Variants in MOSPD3 observed in about 807,000 individuals in gnomAD.
MOSPD3 encodes the protein motile sperm domain containing 3, also known as motile sperm domain-containing protein 3.
A neutral mutation model predicts 23.3 loss-of-function variants in MOSPD3; 20 were observed. The observed-to-expected ratio is 0.86, with a 90% CI of 0.61 to 1.25. The LOEUF (loss-of-function observed/expected upper bound fraction) is 1.25. MOSPD3 is among the 50% of genes most tolerant of loss of function. The pLI, the probability that MOSPD3 is intolerant of heterozygous loss-of-function variation, is 0.00. For missense variants in MOSPD3, 307 were observed against 315.7 expected (o/e 0.97, Z 0.21); for synonymous variants, 136 against 135.2 (o/e 1.01, Z -0.04).
intron 1 of MOSPD3, 82 bp downstream of exon 1, chr7:100,613,078 T>G: frequency 6.3e-7 from 1 of 1,585,520 alleles, no homozygotes; most frequent in Non-Finnish European, 8.7e-7. Flanking sequence ...TGGGTAGGGT[T>G]GCACGTCCAG....
In MOSPD3 at chr7:100,615,024, C is replaced by T. The variant is rs147915432; in HGVS notation, c.669C>T (p.Tyr223=). 3,472 of 1,614,170 alleles carry T rather than the reference C, an allele frequency of 2.2e-3. 5 individuals are homozygous for T. Among genetic ancestry groups the T allele is most frequent in the Non-Finnish European group, 2.5e-3 (2,929 of 1,180,008 alleles). ...VSLGQKLVAA[Y]VLGLLTMVFL... ...TGGGACAAAAGTTGGTGGCCGCCTA[C>T]GTCTTGGGTGAGGACAGTAGTGGCC... Residue 223 remains tyrosine, a synonymous_variant, in exon 4 of 5, where the codon TAC becomes TAT. Transcript: ENST00000393950.
chr7:100,614,868 C>A lies in MOSPD3; in HGVS notation c.513C>A (p.His171Gln). The stretch of plus-strand genomic sequence containing the variant: ...CATCTGATGAGTCTTGTTTCTCAGA[C>A]CCCCGCCAGCAACTGGCCACCAGCT... The part of the protein sequence containing the change: ...PPPTARHFQE[H>Q]PRQQLATSSF... The change falls in exon 4 of 5, where the codon CAC (histidine) becomes CAA (glutamine). Residue 171 changes from histidine to glutamine, a missense_variant and splice_region_variant. Physicochemically the swap from His to Gln is conservative, Grantham distance 24 (BLOSUM62 0). Coordinates refer to ENST00000393950, the MANE Select transcript of MOSPD3 (RefSeq NM_023948.5). The A allele has an allele frequency of 1.9e-6, 3 of 1,613,514 alleles. No individual in the cohort carries two copies. The highest frequency in any genetic ancestry group is 2.2e-5 in the East Asian group (1 of 44,874).
At position 100,613,489 on chromosome 7, in the gene MOSPD3, T is replaced by C; in HGVS notation, c.294T>C (p.His98=). ...ACCTTGGGACCAGTGTGATTCGCCA[T>C]GTGGCACCCATTCCCAGCCACTATG... is the stretch of plus-strand genomic sequence containing the variant. ...PQSCIDIVIR[H]VAPIPSHYDV... Residue 98 remains histidine, a synonymous_variant, in exon 3 of 5, where the codon CAT becomes CAC. Coordinates refer to ENST00000393950, the MANE Select transcript of MOSPD3 (RefSeq NM_023948.5). 1 of 1,614,160 alleles carries C rather than the reference T, an allele frequency of 6.2e-7. No individual in the cohort carries two copies. The highest frequency in any genetic ancestry group is 8.5e-7 in the Non-Finnish European group (1 of 1,179,994).
chr7:100,613,402 C>CT (rs1802892236), intron 2 of MOSPD3, 75 bp from the exon 3 acceptor site: 8 of 1,569,766 alleles, frequency 5.1e-6, no homozygotes, highest in African/African-American at 1.4e-5. Flanking sequence ...GGAGAGACTT[C>CT]TGGGGGGAGG....
intron 3 of MOSPD3, among the ~76,000 whole-genome samples, chr7:100,614,173 A>C (rs1424398076): frequency 6.6e-6 from 1 of 152,154 alleles, no homozygotes; most frequent in Admixed American, 6.5e-5. Flanking sequence ...GAGGGCAGTA[A>C]AAAGTAGATA....
chr7:100,612,743 C>T lies in MOSPD3; in HGVS notation c.-49C>T, dbSNP rs951020742. Reference sequence around the variant, plus strand: ...CACGCCCCCCAGCTCTGACTCCAGGCCCTGTCCCCTGAGCTCTGCCCTCGG... The same window carrying T: ...CACGCCCCCCAGCTCTGACTCCAGGTCCTGTCCCCTGAGCTCTGCCCTCGG... On this transcript the variant is annotated 5_prime_UTR_variant, in exon 1 of 5. Coordinates refer to ENST00000393950, the MANE Select transcript of MOSPD3 (RefSeq NM_023948.5). 5 of 1,447,570 alleles carry T rather than the reference C, an allele frequency of 3.5e-6. No individual in the cohort carries two copies. The highest frequency in any genetic ancestry group is 1.4e-5 in the African/African-American group (1 of 70,042). 89.7% of individuals were successfully genotyped at this position (1,447,570 alleles called of 1,614,324 possible).
chr7:100,614,902 C>G lies in MOSPD3; in HGVS notation c.547C>G (p.Leu183Val), dbSNP rs755106465. 1.2e-6 allele frequency: 2 copies of G among 1,614,080 alleles called. No homozygotes were observed. The highest frequency in any genetic ancestry group is 1.7e-6 in the Non-Finnish European group (2 of 1,180,032). The change falls in exon 4 of 5, where the codon CTC becomes GTC. Residue 183 changes from leucine (L) to valine (V), a missense_variant. Physicochemically the swap from Leu to Val is conservative, Grantham distance 32. Coordinates refer to ENST00000393950, the MANE Select transcript of MOSPD3 (RefSeq NM_023948.5). ...RQQLATSSFL[L>V]FLLTGIVSVA... ...GCAACTGGCCACCAGCTCCTTCCTC[C>G]TCTTCTTGCTGACGGGGATTGTGTC...
In MOSPD3 at chr7:100,612,959, C is replaced by G; in HGVS notation, c.168C>G (p.Thr56=). 6.2e-7 allele frequency: 1 copy of G among 1,613,998 alleles called. No individual in the cohort carries two copies. Reference sequence around the variant, plus strand: ...GGAGCGGACCCCGACAGCTGCTGACCCTCTATAACCCCACAGGAACTGCGC... The same window carrying G: ...GGAGCGGACCCCGACAGCTGCTGACGCTCTATAACCCCACAGGAACTGCGC... The part of the protein sequence containing the change: ...DQRSGPRQLL[T]LYNPTGTALR... The change falls in exon 1 of 5, where the codon ACC becomes ACG. Residue 56 remains threonine (T), a synonymous_variant. Transcript: ENST00000393950.
rs201335881 is a variant in MOSPD3, at chr7:100,615,141, C to A, written c.677-11C>A. Reference sequence around the variant, plus strand: ...CCATGCGACCCTATTCTTTCTTTGTCCCCCCTCCAGGCCTCCTCACCATGG... The same window carrying A: ...CCATGCGACCCTATTCTTTCTTTGTACCCCCTCCAGGCCTCCTCACCATGG... On this transcript the variant is annotated splice_polypyrimidine_tract_variant and intron_variant, in intron 4 of 4. Coordinates refer to ENST00000393950, the MANE Select transcript of MOSPD3 (RefSeq NM_023948.5). 270 of 1,613,898 alleles carry A rather than the reference C, an allele frequency of 1.7e-4. 1 individual carries two copies. The Admixed American group carries it at 3.3e-3, about 20-fold the overall frequency.
At chr7:100,614,250 G>A (rs780446857) in intron 3 of MOSPD3, among the ~76,000 whole-genome samples, 2 of 150,742 alleles carry the variant, frequency 1.3e-5, no homozygotes, top group African/African-American at 2.5e-5. Flanking sequence ...GATAACCTGA[G>A]GCCAGGAGTT....
intron 3 of MOSPD3, 29 bp downstream of exon 3, chr7:100,613,735 C>T (rs1253459279): frequency 6.3e-7 from 1 of 1,580,326 alleles, no homozygotes; most frequent in South Asian, 1.1e-5. Context: ...ATCTTGAGTT[C>T]TGTAGGGAGG....
At chr7:100,613,062 G>A in intron 1 of MOSPD3, 66 bp downstream of exon 1, 2 of 1,595,214 alleles carry the variant, frequency 1.3e-6, no homozygotes, top group South Asian at 2.2e-5. Context: ...GGCTGGAGGA[G>A]TCAGATGGGT....
chr7:100,614,177 G>C (rs1478725542), intron 3 of MOSPD3, among the ~76,000 whole-genome samples: 1 of 152,162 alleles, frequency 6.6e-6, no homozygotes, highest in Non-Finnish European at 1.5e-5. Flanking sequence ...GCAGTAAAAA[G>C]TAGATACAGG....
intron 3 of MOSPD3, among the ~76,000 whole-genome samples, chr7:100,614,624 A>C (rs919247423): frequency 2.6e-5 from 4 of 152,176 alleles, no homozygotes; most frequent in Non-Finnish European, 5.9e-5. Flanking sequence ...CAACTTAAAA[A>C]TTAGCCGGGC....
chr7:100,613,864 G>C, intron 3 of MOSPD3, 158 bp downstream of exon 3: 3 of 694,396 alleles, frequency 4.3e-6, no homozygotes, highest in Non-Finnish European at 7.1e-6. Flanking sequence ...CAGGTGAGGG[G>C]GAAAAGACTT....
intron 1 of MOSPD3, 83 bp downstream of exon 1, chr7:100,613,079 G>A: frequency 6.3e-7 from 1 of 1,582,948 alleles, no homozygotes; most frequent in Non-Finnish European, 8.7e-7. Context: ...GGGTAGGGTT[G>A]CACGTCCAGC....
Position 100,615,345 on chromosome 7 carries a change from C to A in MOSPD3, c.*162C>A. ...CACCCAGGGATTTGTACTCATTTTC[C>A]AAGTTGAATAAAATACATTTTTAAA... On this transcript the variant is annotated 3_prime_UTR_variant, in exon 5 of 5. Transcript: ENST00000393950. 1.6e-6 allele frequency: 1 copy of A among 607,546 alleles called. No individual in the cohort carries two copies. The highest frequency in any genetic ancestry group is 2.8e-6 in the Non-Finnish European group (1 of 354,098). 37.6% of individuals were successfully genotyped at this position (607,546 alleles called of 1,614,324 possible).
Position 100,614,931 on chromosome 7 carries a change from G to A in MOSPD3, c.576G>A (p.Val192=), listed in dbSNP as rs2131299336. 4 of 1,614,100 alleles carry A rather than the reference G, an allele frequency of 2.5e-6. No homozygotes were observed. Among genetic ancestry groups the A allele is most frequent in the Middle Eastern group, 1.6e-4 (1 of 6,062 alleles). Residue 192 remains valine (V), a synonymous_variant, in exon 4 of 5, where the codon GTG becomes GTA. Coordinates refer to ENST00000393950, the MANE Select transcript of MOSPD3 (RefSeq NM_023948.5). The stretch of plus-strand genomic sequence containing the variant: ...TCTTGCTGACGGGGATTGTGTCTGT[G>A]GCCTTCCTGCTGCTCCCACTCCCGG... ...LLFLLTGIVS[V]AFLLLPLPDE... is the part of the protein sequence containing the mutation.
chr7:100,614,446 C>T (rs572148738), intron 3 of MOSPD3, among the ~76,000 whole-genome samples: 5 of 142,526 alleles, frequency 3.5e-5, no homozygotes, highest in African/African-American at 1.3e-4. Context: ...AGCCTGGGTG[C>T]AACAGAGTGA....
Sources: allele counts gnomAD v4.1 joint callset (sites outside exome capture counted in the v4.1 genomes callset), GRCh38; gene constraint gnomAD v4.1.1; transcripts MANE v1.5; gene names NCBI Gene and HGNC (gene_info 2026-07-23, HGNC 2026-07-21).